The following FBXL4 variants were observed in gnomAD, a reference collection of about 807,000 sequenced individuals.
FBXL4 encodes F-box and leucine rich repeat protein 4, also known as F-box/LRR-repeat protein 4.
A neutral mutation model predicts 58.9 loss-of-function variants in FBXL4; 40 were observed. The ratio of observed to expected loss-of-function variants is 0.68; its 90% CI spans 0.53 to 0.88. The LOEUF (loss-of-function observed/expected upper bound fraction) is 0.88. FBXL4 is among the 40% of genes least tolerant of loss of function. The probability of loss-of-function intolerance (pLI) is 0.00; values close to 1 mark genes in which losing one functional copy is unlikely to be tolerated. For synonymous variants in FBXL4, 263 were observed against 265.5 expected, an observed-to-expected ratio of 0.99 and a Z score of 0.09; for missense variants, 676 against 734.4, an observed-to-expected ratio of 0.92 and a Z score of 0.92.
At chr6:98,947,649 G>A (rs1773676334) in intron 1 of FBXL4, among the ~76,000 whole-genome samples, 157 bp downstream of exon 1, 2 of 152,066 alleles carry the variant, frequency 1.3e-5, no homozygotes, top group Non-Finnish European at 2.9e-5. Flanking sequence ...GGGGGCGCGG[G>A]GCCGCGGGCG....
intron 1 of FBXL4, among the ~76,000 whole-genome samples, chr6:98,941,020 T>C (rs1400239398): frequency 6.6e-6 from 1 of 152,180 alleles, no homozygotes; most frequent in Non-Finnish European, 1.5e-5. Flanking sequence ...CGGTTTATTA[T>C]AAAGGTCCAT....
chr6:98,916,175 T>C (rs1421972857), intron 5 of FBXL4, among the ~76,000 whole-genome samples: 1 of 150,760 alleles, frequency 6.6e-6, no homozygotes, highest in African/African-American at 2.4e-5. Flanking sequence ...CAACAGGTGC[T>C]GGAGAGGATG....
At chr6:98,938,277 T>C (rs1204255800) in intron 1 of FBXL4, among the ~76,000 whole-genome samples, 1 of 152,168 alleles carries the variant, frequency 6.6e-6, no homozygotes, top group Non-Finnish European at 1.5e-5. Context: ...AGTTCACAGT[T>C]CTTTCCATAG....
intron 7 of FBXL4, chr6:98,898,398 T>C: frequency 2.0e-6 from 2 of 985,370 alleles, no homozygotes; most frequent in African/African-American, 1.7e-5. Context: ...ATAGTAAGTA[T>C]GTGTAAAACC....
At chr6:98,874,621 A>T (rs1252668654) in intron 9 of FBXL4, among the ~76,000 whole-genome samples, 180 bp from the exon 10 acceptor site, 2 of 152,210 alleles carry the variant, frequency 1.3e-5, no homozygotes, top group Admixed American at 1.3e-4. Context: ...TTAAAAAAGT[A>T]AAAGTTGAAT....
At chr6:98,927,948 C>A (rs1389078303) in intron 2 of FBXL4, 126 bp from the exon 3 acceptor site, 1 of 152,094 alleles carries the variant, frequency 6.6e-6, no homozygotes, top group Non-Finnish European at 1.5e-5. Context: ...ATTTTGTACA[C>A]AATTTTAAAT....
At chr6:98,932,597 G>C (rs1274984630) in intron 2 of FBXL4, among the ~76,000 whole-genome samples, 4 of 152,148 alleles carry the variant, frequency 2.6e-5, no homozygotes. Flanking sequence ...AGGATGGCAG[G>C]AGCTGCCGAG....
At chr6:98,937,750 C>T (rs2128411284) in intron 1 of FBXL4, among the ~76,000 whole-genome samples, 2 of 152,288 alleles carry the variant, frequency 1.3e-5, no homozygotes, top group South Asian at 4.1e-4. Context: ...AGTACCAATC[C>T]TTCTTCCACC....
In FBXL4 at chr6:98,899,382, T is replaced by C; in HGVS notation, c.1203A>G (p.Pro401=). 1 of 1,614,022 alleles carries C rather than the reference T, an allele frequency of 6.2e-7. No homozygotes were observed. Among genetic ancestry groups the C allele is most frequent in the Non-Finnish European group, 8.5e-7 (1 of 1,179,972 alleles). The part of the protein sequence containing the change: ...TCLEVISEMC[P]NLQALNLSSC... ...AGGAGAGATTTAAGGCCTGTAGATT[T>C]GGACACATCTCAGAAATAACTTCTA... is the stretch of plus-strand genomic sequence containing the variant. Residue 401 remains proline (P), a synonymous_variant, in exon 7 of 10, where the codon CCA becomes CCG. Coordinates refer to ENST00000369244, the MANE Select transcript of FBXL4 (RefSeq NM_001278716.2).
intron 5 of FBXL4, among the ~76,000 whole-genome samples, chr6:98,913,427 T>A (rs1772185782): frequency 6.6e-6 from 1 of 152,152 alleles, no homozygotes; most frequent in Non-Finnish European, 1.5e-5. Context: ...TAGTTGGAAG[T>A]AAACCACTCC....
At chr6:98,906,650 ATAG>A (rs1395652403) in intron 5 of FBXL4, among the ~76,000 whole-genome samples, 1 of 152,110 alleles carries the variant, frequency 6.6e-6, no homozygotes. Flanking sequence ...ATATGTCCTT[ATAG>A]TAGAATGATT....
At chr6:98,945,232 G>C (rs1167487613) in intron 1 of FBXL4, among the ~76,000 whole-genome samples, 1 of 152,106 alleles carries the variant, frequency 6.6e-6, no homozygotes, top group Non-Finnish European at 1.5e-5. Flanking sequence ...AGTTCTGTTT[G>C]TAATAAATTT....
intron 1 of FBXL4, among the ~76,000 whole-genome samples, chr6:98,940,047 C>A (rs1773375908): frequency 6.6e-6 from 1 of 152,144 alleles, no homozygotes; most frequent in African/African-American, 2.4e-5. Context: ...CTCTGAACTG[C>A]AAATGGAAGC....
At chr6:98,885,722 G>A (rs1456548220) in intron 7 of FBXL4, among the ~76,000 whole-genome samples, 1 of 152,174 alleles carries the variant, frequency 6.6e-6, no homozygotes, top group Non-Finnish European at 1.5e-5. Flanking sequence ...TGGGTTTCCA[G>A]CTTGCCAATT....
intron 4 of FBXL4, among the ~76,000 whole-genome samples, chr6:98,921,543 C>T (rs1433258469): frequency 1.3e-5 from 2 of 151,916 alleles, no homozygotes; most frequent in Non-Finnish European, 2.9e-5. Flanking sequence ...CCCTGCCTCC[C>T]AGCCCATCTC....
intron 6 of FBXL4, among the ~76,000 whole-genome samples, chr6:98,901,012 T>C (rs552832015): frequency 1.3e-5 from 2 of 152,280 alleles, no homozygotes; most frequent in South Asian, 4.1e-4. Context: ...GAGCTTCTAC[T>C]ATCATCCAGG....
intron 7 of FBXL4, among the ~76,000 whole-genome samples, chr6:98,893,015 CCAGTCTGCT>C (rs1771281299): frequency 6.6e-6 from 1 of 152,150 alleles, no homozygotes; most frequent in Non-Finnish European, 1.5e-5. Context: ...TCCTGGTTTT[CCAGTCTGCT>C]GCTAAGCAAC....
At chr6:98,892,991 C>T (rs769448277) in intron 7 of FBXL4, among the ~76,000 whole-genome samples, 5 of 152,162 alleles carry the variant, frequency 3.3e-5, no homozygotes, top group Non-Finnish European at 7.4e-5. Context: ...ATAACTCCAA[C>T]TTTTAAAAAA....
In FBXL4 at chr6:98,910,991, C is replaced by T. The variant is rs190872279; in HGVS notation, c.859-5321G>A. Among the ~76,000 whole-genome samples the T allele has an allele frequency of 5.5e-4, 84 of 152,260 alleles. No homozygotes were observed. In the Middle Eastern group the frequency reaches 0.014, roughly 25 times the overall value. ...CTCCCACCCAAATACTGCGCTTTTC[C>T]GAAGGCCTTAGGAAACGGCGCACCA... On this transcript the variant is annotated intron_variant, in intron 5 of 9. Coordinates refer to ENST00000369244, the MANE Select transcript of FBXL4 (RefSeq NM_001278716.2).
Sources: gnomAD v4.1 joint callset for allele counts (sites outside exome capture counted in the v4.1 genomes callset) on GRCh38, gnomAD v4.1.1 for gene constraint, MANE v1.5 for transcripts, NCBI Gene and HGNC (gene_info 2026-07-23, HGNC 2026-07-21) for gene names.